The following NEMP2 variants were observed in gnomAD, a reference collection of about 807,000 sequenced individuals.
NEMP2 encodes nuclear envelope integral membrane protein 2.
In NEMP2, 53 loss-of-function variants were observed where a neutral mutation model predicts 54.2. The observed-to-expected ratio is 0.98, with a 90% CI of 0.78 to 1.23. The LOEUF is 1.23. NEMP2 is among the 50% of genes most tolerant of loss of function. The pLI, the probability that NEMP2 is intolerant of heterozygous loss-of-function variation, is 0.00. For missense variants in NEMP2, 455 were observed against 511.3 expected, an observed-to-expected ratio of 0.89 and a Z score of 1.06; for synonymous variants, 197 against 190.3, an observed-to-expected ratio of 1.04 and a Z score of -0.29.
the NEMP2 span, chr2:190,489,628 G>C: frequency 8.6e-6 from 6 of 701,514 alleles, no homozygotes; most frequent in African/African-American, 1.8e-5. The surrounding 1 kb of genome is among the most constrained non-coding windows in gnomAD (Gnocchi z 6.6). Flanking sequence ...CCATTATGTG[G>C]AGCTAATACC....
At chr2:190,499,913 G>T, downstream of NEMP2, 1 of 1,580,890 alleles carries the variant, frequency 6.3e-7, no homozygotes. The surrounding 1 kb of genome is among the most constrained non-coding windows in gnomAD (Gnocchi z 6.0). Flanking sequence ...GGCACTTCCG[G>T]ATGATCTCCC....
In NEMP2 at chr2:190,527,465, A is replaced by G. The variant is rs1690980306; in HGVS notation, c.98-2087T>C. 6.6e-6 allele frequency among the ~76,000 whole-genome samples: 1 copy of G among 152,218 alleles called. No individual in the cohort carries two copies. The highest frequency in any genetic ancestry group is 6.5e-5 in the Admixed American group (1 of 15,286). On this transcript the variant is annotated intron_variant, in intron 1 of 8. Coordinates refer to ENST00000409150, the MANE Select transcript of NEMP2 (RefSeq NM_001142645.2). The surrounding 1 kb of genome is among the most constrained non-coding windows in gnomAD (Gnocchi z 4.0). ...GGTGGCCACACGAAGCAGCAAAATTACACAAGGACCCAACGTATTCAACTG... is the reference window on the plus strand; with the variant it reads ...GGTGGCCACACGAAGCAGCAAAATTGCACAAGGACCCAACGTATTCAACTG...
intron 1 of NEMP2, 122 bp downstream of exon 1, chr2:190,534,437 G>C: frequency 8.1e-7 from 1 of 1,228,640 alleles, no homozygotes; most frequent in Non-Finnish European, 1.0e-6. Context: ...AGCGAGAAAA[G>C]GGAGCGCCCG....
At chr2:190,591,102 TAGGATTC>T in the NEMP2 span, among the ~76,000 whole-genome samples, 4 of 152,220 alleles carry the variant, frequency 2.6e-5, no homozygotes, top group Admixed American at 2.6e-4. This position sits in a 1 kb window ranked among gnomAD's most constrained non-coding sequence, Gnocchi z 5.4. Flanking sequence ...AGGAAATAAG[TAGGATTC>T]AGGCACTATT....
chr2:190,480,384 TTAG>T, the NEMP2 span, among the ~76,000 whole-genome samples: 1 of 76,502 alleles, frequency 1.3e-5, no homozygotes, highest in Non-Finnish European at 2.6e-5. Flanking sequence ...TGTACTATAG[TTAG>T]TAGTTTATAA....
At chr2:190,546,798 A>G in the NEMP2 span, among the ~76,000 whole-genome samples, 1 of 152,208 alleles carries the variant, frequency 6.6e-6, no homozygotes, top group Non-Finnish European at 1.5e-5. This position sits in a 1 kb window ranked among gnomAD's most constrained non-coding sequence, Gnocchi z 5.1. Flanking sequence ...AAAATGTATA[A>G]CTAAAAGTGT....
the NEMP2 span, among the ~76,000 whole-genome samples, chr2:190,437,780 T>C: frequency 6.6e-6 from 1 of 152,098 alleles, no homozygotes; most frequent in Non-Finnish European, 1.5e-5. This position sits in a 1 kb window ranked among gnomAD's most constrained non-coding sequence, Gnocchi z 5.9. Flanking sequence ...AAGAATGGCT[T>C]CCTCTGCTCT....
the NEMP2 span, among the ~76,000 whole-genome samples, chr2:190,550,475 G>T: frequency 6.6e-6 from 1 of 152,014 alleles, no homozygotes; most frequent in African/African-American, 2.4e-5. The surrounding 1 kb of genome is among the most constrained non-coding windows in gnomAD (Gnocchi z 4.7). Flanking sequence ...ATTTTGGGGG[G>T]ACACAAACAT....
the NEMP2 span, chr2:190,568,155 T>C: frequency 1.3e-5 from 2 of 152,190 alleles, no homozygotes; most frequent in African/African-American, 2.4e-5. This position sits in a 1 kb window ranked among gnomAD's most constrained non-coding sequence, Gnocchi z 4.7. Context: ...AAATGGGGGA[T>C]CTATCACCTT....
downstream of NEMP2, among the ~76,000 whole-genome samples, chr2:190,502,706 A>G (rs1417217046): frequency 6.6e-6 from 1 of 152,172 alleles, no homozygotes; most frequent in Non-Finnish European, 1.5e-5. The surrounding 1 kb of genome is among the most constrained non-coding windows in gnomAD (Gnocchi z 4.4). Flanking sequence ...AGGTACTGAG[A>G]CCATTACTTA....
At chr2:190,517,851 T>C (rs1475497035) in intron 4 of NEMP2, among the ~76,000 whole-genome samples, 14 of 152,228 alleles carry the variant, frequency 9.2e-5, no homozygotes. Context: ...CAGGATCTGA[T>C]CAGACAATAA....
At chr2:190,431,350 A>G in the NEMP2 span, among the ~76,000 whole-genome samples, 1 of 152,186 alleles carries the variant, frequency 6.6e-6, no homozygotes, top group African/African-American at 2.4e-5. This position sits in a 1 kb window ranked among gnomAD's most constrained non-coding sequence, Gnocchi z 4.4. Flanking sequence ...AGGCCAAGGC[A>G]GGCAGCTGGG....
the NEMP2 span, among the ~76,000 whole-genome samples, chr2:190,589,132 T>C: frequency 2.0e-5 from 3 of 152,156 alleles, no homozygotes; most frequent in Non-Finnish European, 4.4e-5. The surrounding 1 kb of genome is among the most constrained non-coding windows in gnomAD (Gnocchi z 4.3). Context: ...CTAATGACCC[T>C]TCTGGACTAC....
the NEMP2 span, among the ~76,000 whole-genome samples, chr2:190,645,215 T>G: frequency 6.6e-6 from 1 of 152,172 alleles, no homozygotes; most frequent in Non-Finnish European, 1.5e-5. Flanking sequence ...GGATGATATT[T>G]GCAAGAGATA....
upstream of NEMP2, chr2:190,534,843 C>T (rs1249351739): frequency 4.8e-6 from 2 of 418,706 alleles, no homozygotes; most frequent in Non-Finnish European, 8.1e-6. Flanking sequence ...CGCCCGCGGC[C>T]TCGGGGCACG....
intron 5 of NEMP2, 125 bp from the exon 6 acceptor site, chr2:190,516,509 A>G: frequency 4.3e-6 from 3 of 693,544 alleles, no homozygotes; most frequent in Non-Finnish European, 7.2e-6. Context: ...TCAATTTAAG[A>G]AACTCCCTAG....
chr2:190,555,782 A>G, the NEMP2 span, among the ~76,000 whole-genome samples: 19 of 152,270 alleles, frequency 1.2e-4, no homozygotes, highest in East Asian at 2.5e-3. This position sits in a 1 kb window ranked among gnomAD's most constrained non-coding sequence, Gnocchi z 4.8. Context: ...CAACCTAGCA[A>G]GGCAGGCCAA....
chr2:190,599,670 G>A, the NEMP2 span, among the ~76,000 whole-genome samples: 1 of 152,158 alleles, frequency 6.6e-6, no homozygotes. Context: ...CTGTGTAGGA[G>A]TTATGTAAAA....
At chr2:190,611,697 A>T in the NEMP2 span, among the ~76,000 whole-genome samples, 2 of 152,198 alleles carry the variant, frequency 1.3e-5, no homozygotes, top group East Asian at 1.9e-4. The surrounding 1 kb of genome is among the most constrained non-coding windows in gnomAD (Gnocchi z 5.4). Context: ...CTAGGCAAAA[A>T]TCCACATTCT....
Sources: gnomAD v4.1 joint callset for allele counts (sites outside exome capture counted in the v4.1 genomes callset) on GRCh38, gnomAD v4.1.1 for gene constraint, Gnocchi (gnomAD v3.1) non-coding constraint, MANE v1.5 for transcripts, NCBI Gene and HGNC (gene_info 2026-07-23, HGNC 2026-07-21) for gene names.